IFT88: variants seen among roughly 807,000 people sequenced by gnomAD.
IFT88 encodes intraflagellar transport protein 88 homolog.
In IFT88, 74 loss-of-function variants were observed where a neutral mutation model predicts 119.5. The ratio of observed to expected loss-of-function variants is 0.62; its 90% CI spans 0.51 to 0.75. The LOEUF (loss-of-function observed/expected upper bound fraction) is 0.75. Among genes scored for constraint, IFT88 ranks in the 30% least tolerant of loss-of-function variants. The probability of loss-of-function intolerance (pLI) is 0.00; values close to 1 mark genes in which losing one functional copy is unlikely to be tolerated. For synonymous variants in IFT88, 279 were observed against 316.7 expected (o/e 0.88, Z 1.26); for missense variants, 961 against 977.7 (o/e 0.98, Z 0.23).
chr13:20,661,520 G>A (rs2053778659), intron 22 of IFT88, among the ~76,000 whole-genome samples: 2 of 152,202 alleles, frequency 1.3e-5, no homozygotes, highest in South Asian at 4.1e-4. Context: ...CGAATCACGA[G>A]CCAGGAGTTC....
chr13:20,615,761 C>T (rs1566205776), intron 13 of IFT88, 32 bp from the exon 14 acceptor site: 5 of 1,322,552 alleles, frequency 3.8e-6, no homozygotes, highest in East Asian at 4.7e-5. Context: ...TACTGTATCT[C>T]TAAATACAAC....
intron 22 of IFT88, among the ~76,000 whole-genome samples, chr13:20,662,324 C>CA (rs1219572819): frequency 4.0e-5 from 6 of 151,816 alleles, no homozygotes; most frequent in Admixed American, 1.3e-4. Context: ...GCCTACCGAC[C>CA]AAAAAAAGTC....
intron 13 of IFT88, among the ~76,000 whole-genome samples, chr13:20,610,263 C>A (rs1248599046): frequency 6.6e-6 from 1 of 151,992 alleles, no homozygotes; most frequent in Non-Finnish European, 1.5e-5. Context: ...CAGAAGTGTC[C>A]CTGTTCGCTA....
intron 23 of IFT88, among the ~76,000 whole-genome samples, chr13:20,666,421 T>C (rs534262643): frequency 6.6e-6 from 1 of 152,178 alleles, no homozygotes; most frequent in Admixed American, 6.5e-5. Flanking sequence ...GGTGGCAGTT[T>C]GTGGGCCATC....
At chr13:20,620,630 A>G (rs1279293603) in intron 14 of IFT88, among the ~76,000 whole-genome samples, 2 of 152,100 alleles carry the variant, frequency 1.3e-5, no homozygotes, top group African/African-American at 4.8e-5. Context: ...CAGTGGCGCG[A>G]TCTCGGCTCA....
chr13:20,578,094 G>A (rs9579896), intron 2 of IFT88, among the ~76,000 whole-genome samples: 12,850 of 128,976 alleles, frequency 0.1, 747 homozygotes, highest in African/African-American at 0.15. Flanking sequence ...GCCCAGGCTG[G>A]AGTGCAGTGG....
chr13:20,688,912 G>A (rs1015267994), intron 24 of IFT88, among the ~76,000 whole-genome samples: 2 of 151,898 alleles, frequency 1.3e-5, no homozygotes, highest in Admixed American at 1.3e-4. Flanking sequence ...TTTTATATAA[G>A]CACTTTATTT....
chr13:20,604,767 C>CAA (rs1213037266), intron 12 of IFT88, among the ~76,000 whole-genome samples: 1 of 152,114 alleles, frequency 6.6e-6, no homozygotes, highest in Non-Finnish European at 1.5e-5. Flanking sequence ...CCAGCCTGGG[C>CAA]AAAATGGTGA....
At chr13:20,582,061 TGGGAAGTA>T (rs1262778410) in intron 2 of IFT88, among the ~76,000 whole-genome samples, 1 of 151,938 alleles carries the variant, frequency 6.6e-6, no homozygotes, top group Non-Finnish European at 1.5e-5. Context: ...TGTATTTTTG[TGGGAAGTA>T]GATTGAAATA....
At chr13:20,570,806 A>G (rs1752455094) in intron 1 of IFT88, among the ~76,000 whole-genome samples, 1 of 81,510 alleles carries the variant, frequency 1.2e-5, no homozygotes, top group Non-Finnish European at 2.6e-5. Flanking sequence ...CCTTGTGAAT[A>G]TACTAAAAAC....
Position 20,598,417 on chromosome 13 carries a change from T to C in IFT88, c.595-234T>C, listed in dbSNP as rs570757927. 5.3e-5 allele frequency among the ~76,000 whole-genome samples: 8 copies of C among 152,322 alleles called. No homozygotes were observed. In the South Asian group the frequency reaches 1.7e-3, roughly 32 times the overall value. ...GAGATTAATAGATGGCAAATACTAC[T>C]AAATTAAATAGAATACATAGAAAAT... is the stretch of plus-strand genomic sequence containing the variant. On this transcript the variant is annotated intron_variant, in intron 9 of 25. Transcript: ENST00000351808.
chr13:20,594,709 T>C (rs952880335), intron 7 of IFT88, among the ~76,000 whole-genome samples: 5 of 152,228 alleles, frequency 3.3e-5, no homozygotes, highest in African/African-American at 9.6e-5. Flanking sequence ...GAAAATAGAA[T>C]TCTATACTTC....
At chr13:20,619,857 C>G (rs1282642787) in intron 14 of IFT88, among the ~76,000 whole-genome samples, 1 of 152,042 alleles carries the variant, frequency 6.6e-6, no homozygotes, top group African/African-American at 2.4e-5. Context: ...CATGAAAATT[C>G]GAATAGCTTA....
intron 24 of IFT88, among the ~76,000 whole-genome samples, chr13:20,684,527 C>T (rs2057679642): frequency 6.6e-6 from 1 of 152,296 alleles, no homozygotes; most frequent in African/African-American, 2.4e-5. Flanking sequence ...CCACACTGAC[C>T]AGAGAGTTAC....
intron 2 of IFT88, among the ~76,000 whole-genome samples, chr13:20,580,266 C>T (rs1019876361): frequency 1.3e-5 from 2 of 151,938 alleles, no homozygotes; most frequent in Admixed American, 6.6e-5. Flanking sequence ...ACCTATAATC[C>T]CAGCATTTTG....
chr13:20,616,944 T>G (rs1012692251), intron 14 of IFT88, among the ~76,000 whole-genome samples: 2 of 151,854 alleles, frequency 1.3e-5, no homozygotes, highest in African/African-American at 4.8e-5. Context: ...GGTTTTTTTT[T>G]GTTGTTGTTG....
chr13:20,671,167 T>G, intron 24 of IFT88, 128 bp downstream of exon 24: 1 of 527,088 alleles, frequency 1.9e-6, no homozygotes, highest in Non-Finnish European at 3.3e-6. Context: ...ACAGTGAAAC[T>G]TCACATTAAT....
chr13:20,597,535 G>C (rs946404782), intron 9 of IFT88, among the ~76,000 whole-genome samples: 1 of 151,980 alleles, frequency 6.6e-6, no homozygotes, highest in Non-Finnish European at 1.5e-5. Flanking sequence ...ACAAGGTCAG[G>C]AAATCGAGAC....
intron 24 of IFT88, among the ~76,000 whole-genome samples, chr13:20,674,575 G>T (rs975359522): frequency 2.6e-5 from 4 of 151,492 alleles, no homozygotes; most frequent in Admixed American, 2.0e-4. Context: ...AATGAAAATG[G>T]ATCAATTTTA....
Sources: allele counts gnomAD v4.1 joint callset (sites outside exome capture counted in the v4.1 genomes callset), GRCh38; gene constraint gnomAD v4.1.1; transcripts MANE v1.5; gene names NCBI Gene and HGNC (gene_info 2026-07-23, HGNC 2026-07-21).